The following FNDC3B variants were observed in gnomAD, a reference collection of about 807,000 sequenced individuals.
FNDC3B encodes fibronectin type III domain containing 3B.
FNDC3B carries 12 observed loss-of-function variants against 151.5 expected under a neutral mutation model. The ratio of observed to expected loss-of-function variants is 0.08; its 90% CI spans 0.05 to 0.13. The LOEUF (loss-of-function observed/expected upper bound fraction) is 0.13. FNDC3B is among the 10% of genes least tolerant of loss of function. The pLI is 1.00. For missense variants in FNDC3B, 1,214 were observed against 1,505.3 expected (o/e 0.81, Z 3.20); for synonymous variants, 528 against 549.0 (o/e 0.96, Z 0.54).
chr3:172,346,251 G>T, intron 19 of FNDC3B, 76 bp from the exon 20 acceptor site: 1 of 758,278 alleles, frequency 1.3e-6, no homozygotes, highest in Non-Finnish European at 2.2e-6. Flanking sequence ...TTGGTTATAA[G>T]CTTTTGTATG....
At chr3:172,239,928 A>G in intron 4 of FNDC3B, among the ~76,000 whole-genome samples, 1 of 116,564 alleles carries the variant, frequency 8.6e-6, no homozygotes, top group Admixed American at 1.2e-4. Context: ...GAATGCAGTG[A>G]CGCGATCTTG....
intron 2 of FNDC3B, among the ~76,000 whole-genome samples, chr3:172,129,451 T>C (rs1189389892): frequency 6.6e-6 from 1 of 152,228 alleles, no homozygotes; most frequent in Non-Finnish European, 1.5e-5. Context: ...TTTTCCTCTT[T>C]TAATGAGTAT....
chr3:172,059,525 T>C (rs937115697), intron 1 of FNDC3B, among the ~76,000 whole-genome samples: 3 of 152,042 alleles, frequency 2.0e-5, no homozygotes, highest in African/African-American at 7.3e-5. Flanking sequence ...TGATTGAGAA[T>C]TTAGGTTTGA....
intron 3 of FNDC3B, among the ~76,000 whole-genome samples, chr3:172,157,364 G>T (rs1055090290): frequency 6.6e-6 from 1 of 151,898 alleles, no homozygotes; most frequent in Non-Finnish European, 1.5e-5. Context: ...GAAGTTCCAT[G>T]TATCTTTCAC....
intron 15 of FNDC3B, chr3:172,335,333 T>C (rs1732908795): frequency 2.9e-6 from 1 of 341,704 alleles, no homozygotes; most frequent in Non-Finnish European, 5.3e-6. Flanking sequence ...TTTTTAAGAG[T>C]ATCTCATTTA....
At chr3:172,378,457 T>C (rs1286038109) in intron 24 of FNDC3B, 21 bp downstream of exon 24, 1 of 1,573,142 alleles carries the variant, frequency 6.4e-7, no homozygotes, top group South Asian at 1.2e-5. Context: ...TATGTATTCT[T>C]TCTCGCTCTC....
intron 4 of FNDC3B, among the ~76,000 whole-genome samples, chr3:172,228,666 C>T (rs1226157262): frequency 6.6e-6 from 1 of 152,146 alleles, no homozygotes; most frequent in African/African-American, 2.4e-5. Flanking sequence ...TGTTGATGCT[C>T]TTTCCCGGCT....
chr3:172,173,371 C>T (rs1025230243), intron 3 of FNDC3B, among the ~76,000 whole-genome samples: 6 of 152,158 alleles, frequency 3.9e-5, no homozygotes, highest in Admixed American at 6.5e-5. Context: ...TTAATAGAGA[C>T]TTCTCTATGA....
chr3:172,200,002 TATTCATTCATTC>T (rs1238059887), intron 3 of FNDC3B, among the ~76,000 whole-genome samples: 3 of 150,872 alleles, frequency 2.0e-5, no homozygotes, highest in South Asian at 2.1e-4. Flanking sequence ...CAATACTTTG[TATTCATTCATTC>T]ATTCATTCAT....
intron 3 of FNDC3B, among the ~76,000 whole-genome samples, chr3:172,153,328 T>A (rs1722325897): frequency 6.6e-6 from 1 of 152,214 alleles, no homozygotes; most frequent in Non-Finnish European, 1.5e-5. Context: ...CTGGTGTTGC[T>A]GTAGTGCTCA....
At chr3:172,054,667 T>A (rs997784609) in intron 1 of FNDC3B, among the ~76,000 whole-genome samples, 1 of 152,180 alleles carries the variant, frequency 6.6e-6, no homozygotes, top group African/African-American at 2.4e-5. Context: ...CCTTCTCCTT[T>A]CTCTCCTGTC....
At chr3:172,319,173 C>T (rs527415801) in intron 11 of FNDC3B, among the ~76,000 whole-genome samples, 1 of 152,328 alleles carries the variant, frequency 6.6e-6, no homozygotes, top group African/African-American at 2.4e-5. Context: ...ATCAACTCGC[C>T]TTTGTCATGG....
chr3:172,211,376 A>G (rs922805006), intron 3 of FNDC3B, among the ~76,000 whole-genome samples: 1 of 152,018 alleles, frequency 6.6e-6, no homozygotes, highest in Non-Finnish European at 1.5e-5. Flanking sequence ...TGTAGGGAAG[A>G]GGTTGACTGG....
chr3:172,201,253 C>T (rs918643545), intron 3 of FNDC3B, among the ~76,000 whole-genome samples: 55 of 152,228 alleles, frequency 3.6e-4, no homozygotes, highest in African/African-American at 1.3e-3. Context: ...CTCACGAAAG[C>T]TGCAGCCCCA....
chr3:172,247,779 G>A lies in FNDC3B; in HGVS notation c.508+3G>A. 6.2e-7 allele frequency: 1 copy of A among 1,614,058 alleles called. No individual in the cohort carries two copies. The highest frequency in any genetic ancestry group is 8.5e-7 in the Non-Finnish European group (1 of 1,179,952). Reference sequence around the variant, plus strand: ...CCACACAATATATGGTGAGCAAGGTGAGTAGATTTTCGTTGGCGTCAGGAG... The same window carrying A: ...CCACACAATATATGGTGAGCAAGGTAAGTAGATTTTCGTTGGCGTCAGGAG... On this transcript the variant is annotated splice_donor_region_variant and intron_variant, in intron 5 of 25. Coordinates refer to ENST00000415807, the MANE Select transcript of FNDC3B (RefSeq NM_022763.4).
intron 3 of FNDC3B, chr3:172,186,654 T>C (rs1724200599): frequency 1.5e-6 from 1 of 673,624 alleles, no homozygotes; most frequent in African/African-American, 1.8e-5. Context: ...AAGAAAATCA[T>C]GGAAAATTTG....
intron 5 of FNDC3B, 137 bp from the exon 6 acceptor site, chr3:172,251,123 T>C (rs1186280686): frequency 6.0e-5 from 44 of 731,626 alleles, no homozygotes; most frequent in Non-Finnish European, 9.5e-5. Context: ...AAAAAATATT[T>C]ATTAGACTCT....
chr3:172,057,399 ACTTTT>A (rs112315933), intron 1 of FNDC3B, among the ~76,000 whole-genome samples: 132 of 152,334 alleles, frequency 8.7e-4, no homozygotes, highest in African/African-American at 3.1e-3. Flanking sequence ...GTTTGGATGC[ACTTTT>A]CTTTGAAATG....
At chr3:172,227,827 ACTCTTT>A (rs1219120905) in intron 4 of FNDC3B, among the ~76,000 whole-genome samples, 1 of 151,932 alleles carries the variant, frequency 6.6e-6, no homozygotes, top group South Asian at 2.1e-4. Context: ...TCTTTTCTCT[ACTCTTT>A]CTCTGTCTCT....
Sources: gnomAD v4.1 joint callset for allele counts (sites outside exome capture counted in the v4.1 genomes callset) on GRCh38, gnomAD v4.1.1 for gene constraint, MANE v1.5 for transcripts, NCBI Gene and HGNC (gene_info 2026-07-23, HGNC 2026-07-21) for gene names.